Variants in ACER1 observed in about 807,000 individuals in gnomAD.
ACER1 encodes alkaline ceramidase 1.
ACER1 carries 28 observed loss-of-function variants against 24.9 expected under a neutral mutation model. That is an observed-to-expected ratio of 1.13 (90% CI 0.83 to 1.54). ACER1 has a LOEUF of 1.54. ACER1 is among the 40% of genes most tolerant of loss of function. ACER1 has a pLI of 0.00. For synonymous variants in ACER1, 132 were observed against 131.4 expected (o/e 1.00, Z -0.03); for missense variants, 352 against 349.3 (o/e 1.01, Z -0.06).
At chr19:6,329,356 TATAGAATAGAATAGAATAGA>T (rs57029699) in intron 1 of ACER1, among the ~76,000 whole-genome samples, 13 of 133,938 alleles carry the variant, frequency 9.7e-5, no homozygotes, top group African/African-American at 1.7e-4. Flanking sequence ...GGCTTTTTGA[TATAGAATAGAATAGAATAGA>T]ATAGAATAGA....
At chr19:6,314,087 T>C (rs557367573) in intron 1 of ACER1, among the ~76,000 whole-genome samples, 1 of 151,388 alleles carries the variant, frequency 6.6e-6, no homozygotes, top group Non-Finnish European at 1.5e-5. Flanking sequence ...AAAAACATAG[T>C]GAAACTCTAC....
At chr19:6,339,036 C>T in the ACER1 span, among the ~76,000 whole-genome samples, 2 of 151,890 alleles carry the variant, frequency 1.3e-5, no homozygotes, top group Non-Finnish European at 2.9e-5. Context: ...ACCACCACGT[C>T]GGGCTAATTT....
chr19:6,312,127 A>C, intron 3 of ACER1, 22 bp downstream of exon 3: 1 of 1,611,150 alleles, frequency 6.2e-7, no homozygotes, highest in East Asian at 2.2e-5. Context: ...CACCCTGTCC[A>C]GATGGCCAGC....
At chr19:6,319,195 A>G (rs533528853) in intron 1 of ACER1, among the ~76,000 whole-genome samples, 46 of 152,336 alleles carry the variant, frequency 3.0e-4, no homozygotes, top group African/African-American at 1.0e-3. Flanking sequence ...GGAGTTATCA[A>G]CAGTGTCCCT....
At chr19:6,312,667 CTTTT>C (rs35762850) in intron 1 of ACER1, among the ~76,000 whole-genome samples, 168 bp from the exon 2 acceptor site, 9 of 132,404 alleles carry the variant, frequency 6.8e-5, no homozygotes, top group Admixed American at 7.7e-5. Context: ...TCAGCCGACC[CTTTT>C]TTTTTTTTTT....
chr19:6,308,782 C>T (rs2091563651), intron 4 of ACER1, among the ~76,000 whole-genome samples: 2 of 152,048 alleles, frequency 1.3e-5, no homozygotes, highest in South Asian at 4.1e-4. Context: ...TGTATGAAAT[C>T]TGGGAGAAAT....
the ACER1 span, among the ~76,000 whole-genome samples, chr19:6,343,217 G>A: frequency 6.6e-6 from 1 of 152,216 alleles, no homozygotes; most frequent in African/African-American, 2.4e-5. Context: ...TAGTTCAACT[G>A]TTAGAACAAG....
upstream of ACER1, among the ~76,000 whole-genome samples, chr19:6,334,271 C>T (rs1050090174): frequency 2.6e-5 from 4 of 152,158 alleles, no homozygotes; most frequent in East Asian, 7.7e-4. Flanking sequence ...GTCTCGATCT[C>T]CTGACCTCGT....
chr19:6,357,028 C>T, the ACER1 span, among the ~76,000 whole-genome samples: 3 of 148,784 alleles, frequency 2.0e-5, no homozygotes, highest in Non-Finnish European at 4.4e-5. Context: ...TCAGGGATGA[C>T]ATCTGAGCTG....
chr19:6,307,760 C>A (rs559699895), intron 4 of ACER1, among the ~76,000 whole-genome samples: 1 of 152,040 alleles, frequency 6.6e-6, no homozygotes, highest in African/African-American at 2.4e-5. Context: ...CGCTGCACTC[C>A]GGCCTGGGTG....
intron 4 of ACER1, among the ~76,000 whole-genome samples, chr19:6,308,747 T>G (rs1208437543): frequency 1.3e-5 from 2 of 151,960 alleles, no homozygotes; most frequent in East Asian, 3.9e-4. Context: ...GGAGTTAAAT[T>G]ATAAAAAAAA....
the ACER1 span, among the ~76,000 whole-genome samples, chr19:6,352,338 T>A: frequency 2.0e-5 from 3 of 152,162 alleles, no homozygotes; most frequent in African/African-American, 7.2e-5. Flanking sequence ...TAGCTTTTGC[T>A]AACTCTCTCT....
chr19:6,319,676 G>T (rs979692482), intron 1 of ACER1, among the ~76,000 whole-genome samples: 2 of 152,092 alleles, frequency 1.3e-5, no homozygotes, highest in African/African-American at 4.8e-5. Context: ...TACTTCCAGA[G>T]GCTGCTGTGA....
chr19:6,319,511 GTTCA>G (rs141079232), intron 1 of ACER1, among the ~76,000 whole-genome samples: 118 of 151,914 alleles, frequency 7.8e-4, no homozygotes, highest in South Asian at 3.3e-3. Flanking sequence ...TCATTCATTC[GTTCA>G]TTCATTCATT....
intron 1 of ACER1, among the ~76,000 whole-genome samples, chr19:6,324,192 G>C (rs919188692): frequency 2.0e-5 from 3 of 151,674 alleles, no homozygotes; most frequent in African/African-American, 7.3e-5. Context: ...TTATAGGTGT[G>C]AGCCACCACG....
intron 1 of ACER1, among the ~76,000 whole-genome samples, chr19:6,314,108 G>A (rs1341160891): frequency 6.7e-6 from 1 of 148,696 alleles, no homozygotes; most frequent in Non-Finnish European, 1.5e-5. Context: ...AAAACAGTAT[G>A]TAAATATATA....
In ACER1 at chr19:6,306,529, G is replaced by T; in HGVS notation, c.*185C>A. 1.5e-6 allele frequency: 1 copy of T among 669,164 alleles called. No individual in the cohort carries two copies. The allele number at this position is 669,164 out of a possible 1,614,324, so 41.5% of individuals were successfully genotyped here. On this transcript the variant is annotated 3_prime_UTR_variant, in exon 6 of 6. Coordinates refer to ENST00000301452, the MANE Select transcript of ACER1 (RefSeq NM_133492.3). ...AGCCCCCCACAGTCACCAGGCTGCT[G>T]CTCAGAGATGTCACAAAGTCCATCA... is the stretch of plus-strand genomic sequence containing the variant.
At chr19:6,335,906 C>CTTTTCTTTTTT (rs1555717055), upstream of ACER1, among the ~76,000 whole-genome samples, 495 of 141,548 alleles carry the variant, frequency 3.5e-3, 6 homozygotes, top group African/African-American at 0.012. Context: ...TTTTTCTTTT[C>CTTTTCTTTTTT]TTTTTTTTTT....
At chr19:6,339,824 G>A in the ACER1 span, among the ~76,000 whole-genome samples, 983 of 151,900 alleles carry the variant, frequency 6.5e-3, 12 homozygotes, top group African/African-American at 0.023. Flanking sequence ...CACCACACCC[G>A]GCTAAGTTTT....
Sources: gnomAD v4.1 joint callset for allele counts (sites outside exome capture counted in the v4.1 genomes callset) on GRCh38, gnomAD v4.1.1 for gene constraint, MANE v1.5 for transcripts, NCBI Gene and HGNC (gene_info 2026-07-23, HGNC 2026-07-21) for gene names.